Variants in SULF2 observed in about 807,000 individuals in gnomAD.
SULF2 encodes the protein sulfatase 2.
In SULF2, 52 loss-of-function variants were observed where a neutral mutation model predicts 107.7. The observed-to-expected ratio is 0.48, with a 90% confidence interval of 0.39 to 0.61. The LOEUF is 0.61. Among genes scored for constraint, SULF2 ranks in the 20% least tolerant of loss-of-function variants. The pLI, the probability that SULF2 is intolerant of heterozygous loss-of-function variation, is 0.00. For synonymous variants in SULF2, 460 were observed against 464.3 expected (o/e 0.99, Z 0.12); for missense variants, 993 against 1,177.3 (o/e 0.84, Z 2.29).
chr20:47,781,271 T>C (rs6012265), intron 1 of SULF2, among the ~76,000 whole-genome samples: 46,657 of 152,238 alleles, frequency 0.31, 7,670 homozygotes, highest in East Asian at 0.57. Flanking sequence ...CTGGCCAGCA[T>C]TGCTCACATT....
At position 47,676,495 on chromosome 20, in the gene SULF2, T is replaced by C. The variant is rs1306587844; in HGVS notation, c.1379A>G (p.Gln460Arg). The C allele has an allele frequency of 2.5e-6, 4 of 1,608,314 alleles. No homozygotes were observed. Among genetic ancestry groups the C allele is most frequent in the Non-Finnish European group, 3.4e-6 (4 of 1,178,712 alleles). ...TGGGAGGGAAGGGAGCCTTCTTACC[T>C]GTCCCAGCTGCTCACACGCCGTCTG... is the stretch of plus-strand genomic sequence containing the variant. ...EYQTACEQLG[Q>R]KWQCVEDATG... Residue 460 changes from glutamine (Q) to arginine (R), a missense_variant and splice_region_variant, in exon 10 of 21, where the codon CAG becomes CGG. Gln to Arg is a conservative substitution (Grantham distance 43). Around this residue, in one of 3 missense-constraint regions of SULF2, gnomAD observed 497 missense variants for 544.1 expected, o/e 0.91. Coordinates refer to ENST00000688720, the MANE Select transcript of SULF2 (RefSeq NM_001387048.1).
intron 3 of SULF2, among the ~76,000 whole-genome samples, chr20:47,718,302 T>C (rs1380797459): frequency 6.6e-6 from 1 of 152,220 alleles, no homozygotes; most frequent in African/African-American, 2.4e-5. Flanking sequence ...TGAGAAAATA[T>C]GTTAACTGCC....
At chr20:47,679,464 G>A (rs1012804089) in intron 7 of SULF2, among the ~76,000 whole-genome samples, 1 of 152,212 alleles carries the variant, frequency 6.6e-6, no homozygotes, top group African/African-American at 2.4e-5. Flanking sequence ...TCCCGTGGTT[G>A]TGTTATGAGA....
Position 47,683,107 on chromosome 20 carries a change from G to A in SULF2, c.951C>T (p.Asp317=). ...LDNTYIVYTA[D]HGYHIGQFGL... is the part of the protein sequence containing the mutation. ...CAAACTGGCCGATGTGGTAACCGTG[G>A]TCGGCGGTGTATACGATGTACGTGT... is the stretch of plus-strand genomic sequence containing the variant. The change falls in exon 7 of 21, where the codon GAC becomes GAT. Residue 317 remains aspartate, a synonymous_variant. Coordinates refer to ENST00000688720, the MANE Select transcript of SULF2 (RefSeq NM_001387048.1). 3 of 1,613,630 alleles carry A rather than the reference G, an allele frequency of 1.9e-6. No individual in the cohort carries two copies. Among genetic ancestry groups the A allele is most frequent in the Non-Finnish European group, 1.7e-6 (2 of 1,179,866 alleles).
At chr20:47,736,966 G>C (rs2089748510) in intron 2 of SULF2, 24 bp from the exon 3 acceptor site, 1 of 1,613,224 alleles carries the variant, frequency 6.2e-7, no homozygotes, top group Non-Finnish European at 8.5e-7. Context: ...GTGGAAGTAA[G>C]GCGCAGGGCA....
At chr20:47,659,977 T>C (rs2087013739) in intron 18 of SULF2, among the ~76,000 whole-genome samples, 1 of 152,184 alleles carries the variant, frequency 6.6e-6, no homozygotes, top group East Asian at 1.9e-4. Flanking sequence ...AGGACCCTGA[T>C]GGCTTCATTC....
At chr20:47,773,489 G>A (rs534862762) in intron 1 of SULF2, among the ~76,000 whole-genome samples, 5 of 152,372 alleles carry the variant, frequency 3.3e-5, no homozygotes, top group South Asian at 2.1e-4. Flanking sequence ...TGGTGCAGCC[G>A]AGCACGGCAG....
intron 1 of SULF2, among the ~76,000 whole-genome samples, chr20:47,766,052 G>A (rs2090522196): frequency 6.6e-6 from 1 of 152,322 alleles, no homozygotes; most frequent in Middle Eastern, 3.4e-3. Flanking sequence ...CTTCAGGCAG[G>A]AGAAACAGTT....
chr20:47,725,829 G>C (rs994527326), intron 3 of SULF2, among the ~76,000 whole-genome samples: 1 of 152,158 alleles, frequency 6.6e-6, no homozygotes, highest in Non-Finnish European at 1.5e-5. Context: ...CCCCGCTCCC[G>C]GCCTCGGTGT....
At chr20:47,781,821 C>A (rs1383594494) in intron 1 of SULF2, among the ~76,000 whole-genome samples, 1 of 152,110 alleles carries the variant, frequency 6.6e-6, no homozygotes, top group Non-Finnish European at 1.5e-5. Context: ...GCCAGGCAGT[C>A]TGGCTCTCCT....
chr20:47,781,292 C>A (rs989081919), intron 1 of SULF2, among the ~76,000 whole-genome samples: 1 of 152,258 alleles, frequency 6.6e-6, no homozygotes, highest in Non-Finnish European at 1.5e-5. Context: ...AGTGGCCCAT[C>A]ATCGCAGGCA....
intron 3 of SULF2, among the ~76,000 whole-genome samples, chr20:47,717,811 TA>T (rs2089168821): frequency 8.1e-6 from 1 of 123,958 alleles, no homozygotes; most frequent in African/African-American, 2.9e-5. Context: ...GTTTCAGAGA[TA>T]ATTTTTTTTT....
chr20:47,728,505 G>C (rs931534005), intron 3 of SULF2, among the ~76,000 whole-genome samples: 1 of 152,134 alleles, frequency 6.6e-6, no homozygotes, highest in Non-Finnish European at 1.5e-5. Flanking sequence ...GTGGGCTGCT[G>C]GCGGGGACAG....
intron 3 of SULF2, chr20:47,706,381 T>G (rs2088738412): frequency 6.6e-6 from 1 of 151,984 alleles, no homozygotes; most frequent in African/African-American, 2.4e-5. Flanking sequence ...AAACCTTTCC[T>G]GTAAAAGCCA....
chr20:47,772,481 C>T (rs905703652), intron 1 of SULF2, among the ~76,000 whole-genome samples: 1 of 152,242 alleles, frequency 6.6e-6, no homozygotes, highest in African/African-American at 2.4e-5. Context: ...TTGCCAAGGC[C>T]TCTGCGCTTC....
At chr20:47,676,810 C>G in intron 9 of SULF2, 187 bp from the exon 10 acceptor site, 4 of 714,878 alleles carry the variant, frequency 5.6e-6, no homozygotes, top group South Asian at 2.0e-5. Context: ...TTATAAGAAA[C>G]TTCCCAAATT....
Position 47,721,884 on chromosome 20 carries a change from CT to C in SULF2, c.415+14818del, listed in dbSNP as rs552365755. ...GGACAATCAGGGTATCTCCTTTTGC[CT>C]GGCTGCTGTGATTGGGTGAAAGAGA... On this transcript the variant is annotated intron_variant, in intron 3 of 20. Coordinates refer to ENST00000688720, the MANE Select transcript of SULF2 (RefSeq NM_001387048.1). Among the ~76,000 whole-genome samples, 543 of 152,262 alleles carry C rather than the reference CT, an allele frequency of 3.6e-3. 9 individuals carry two copies. Among genetic ancestry groups the C allele is most frequent in the Admixed American group, 0.032 (488 of 15,284 alleles).
intron 18 of SULF2, among the ~76,000 whole-genome samples, chr20:47,660,339 T>G (rs1276455790): frequency 6.6e-6 from 1 of 152,194 alleles, no homozygotes; most frequent in South Asian, 2.1e-4. Flanking sequence ...CTAGTGAAAA[T>G]TCTGATCATA....
intron 1 of SULF2, among the ~76,000 whole-genome samples, chr20:47,770,222 G>A (rs756890263): frequency 4.0e-5 from 6 of 151,828 alleles, no homozygotes; most frequent in African/African-American, 7.3e-5. Context: ...AACCATGCCC[G>A]ATTACTTTTT....
Sources: gnomAD v4.1 joint callset for allele counts (sites outside exome capture counted in the v4.1 genomes callset) on GRCh38, gnomAD v4.1.1 for gene constraint, gnomAD v4.1.1 regional missense constraint, MANE v1.5 for transcripts, NCBI Gene and HGNC (gene_info 2026-07-23, HGNC 2026-07-21) for gene names.